KCNG2: variants seen among roughly 807,000 people sequenced by gnomAD.
KCNG2 encodes the protein potassium voltage-gated channel modifier subfamily G member 2.
KCNG2 carries 7 observed loss-of-function variants against 12.3 expected under a neutral mutation model. The ratio of observed to expected loss-of-function variants is 0.57; its 90% CI spans 0.32 to 1.07. KCNG2 has a LOEUF of 1.07. KCNG2 is among the 50% of genes least tolerant of loss of function. The probability of loss-of-function intolerance (pLI) is 0.04; values close to 1 mark genes in which losing one functional copy is unlikely to be tolerated. For missense variants in KCNG2, 703 were observed against 726.0 expected (o/e 0.97, Z 0.36); for synonymous variants, 414 against 351.4 (o/e 1.18, Z -1.99).
intron 1 of KCNG2, among the ~76,000 whole-genome samples, chr18:79,849,761 C>T (rs1237133119): frequency 6.6e-6 from 1 of 152,238 alleles, no homozygotes; most frequent in Non-Finnish European, 1.5e-5. Context: ...TGCCGGCCGC[C>T]CTGGGTGGCG....
At chr18:79,829,919 C>T (rs1181821288) in intron 1 of KCNG2, among the ~76,000 whole-genome samples, 2 of 152,160 alleles carry the variant, frequency 1.3e-5, no homozygotes, top group African/African-American at 2.4e-5. Context: ...ACCAATTCTG[C>T]GAAGCTATTA....
At chr18:79,870,198 C>T (rs1013265742) in intron 3 of KCNG2, among the ~76,000 whole-genome samples, 1 of 152,240 alleles carries the variant, frequency 6.6e-6, no homozygotes, top group Non-Finnish European at 1.5e-5. Context: ...CCCCCCACGT[C>T]GAAGGCGCCC....
At chr18:79,865,291 T>TGTGCTGAGGTCTGG (rs1181147582) in intron 3 of KCNG2, among the ~76,000 whole-genome samples, 1 of 106,594 alleles carries the variant, frequency 9.4e-6, no homozygotes, top group Non-Finnish European at 1.9e-5. Context: ...GAGAGGTCTG[T>TGTGCTGAGGTCTGG]GTGCTGAGGT....
rs541316487 is a variant in KCNG2, at chr18:79,899,241, G to A, written c.826G>A (p.Gly276Arg). The change falls in exon 4 of 4, where the codon GGG becomes AGG. Residue 276 changes from glycine to arginine, a missense_variant. Physicochemically the swap from Gly to Arg is moderately radical, Grantham distance 125. Coordinates refer to ENST00000316249, the MANE Select transcript of KCNG2 (RefSeq NM_012283.2). ...LLLGLAAGPG[G>R]TKLLERAGLV... ...GCTGGGGCTGGCGGCAGGCCCGGGCGGGACCAAGCTCCTGGAGCGCGCGGG... is the reference window on the plus strand; with the variant it reads ...GCTGGGGCTGGCGGCAGGCCCGGGCAGGACCAAGCTCCTGGAGCGCGCGGG... 5.9e-5 allele frequency: 94 copies of A among 1,597,240 alleles called. No individual in the cohort carries two copies. The East Asian group carries it at 7.8e-4, about 13-fold the overall frequency.
chr18:79,884,581 G>A lies in KCNG2; in HGVS notation c.625-14459G>A, dbSNP rs1421113022. On this transcript the variant is annotated intron_variant, in intron 3 of 3. Coordinates refer to ENST00000316249, the MANE Select transcript of KCNG2 (RefSeq NM_012283.2). This position sits in a 1 kb window ranked among gnomAD's most constrained non-coding sequence, Gnocchi z 5.5. ...GGGCCTGGGCGTGGCAGCTCCCCAG[G>A]CCCACGGGGCAGGAATTCTAGATTC... Among the ~76,000 whole-genome samples the A allele has an allele frequency of 6.6e-6, 1 of 152,176 alleles. No individual in the cohort carries two copies. The highest frequency in any genetic ancestry group is 1.5e-5 in the Non-Finnish European group (1 of 68,008).
At chr18:79,843,846 A>G (rs1175976568) in intron 1 of KCNG2, among the ~76,000 whole-genome samples, 1 of 152,238 alleles carries the variant, frequency 6.6e-6, no homozygotes, top group Non-Finnish European at 1.5e-5. Flanking sequence ...GTTGAGAACA[A>G]TTAACAAAAT....
At chr18:79,886,966 G>C (rs1177095903) in intron 3 of KCNG2, among the ~76,000 whole-genome samples, 12 of 16,792 alleles carry the variant, frequency 7.1e-4, no homozygotes, top group African/African-American at 9.9e-4. Flanking sequence ...GGGGACACAA[G>C]ACAGGGAGAT....
At chr18:79,888,968 C>T (rs1365777125) in intron 3 of KCNG2, among the ~76,000 whole-genome samples, 1 of 152,162 alleles carries the variant, frequency 6.6e-6, no homozygotes, top group Non-Finnish European at 1.5e-5. Flanking sequence ...CATGAGCCAC[C>T]ACGCTGGCCC....
chr18:79,848,698 G>A (rs1172258588), intron 1 of KCNG2, among the ~76,000 whole-genome samples: 1 of 152,196 alleles, frequency 6.6e-6, no homozygotes, highest in Non-Finnish European at 1.5e-5. Context: ...TGGGGACGGT[G>A]GCCCACGGGC....
chr18:79,810,595 C>G (rs1447727070), intron 1 of KCNG2, among the ~76,000 whole-genome samples: 1 of 151,394 alleles, frequency 6.6e-6, no homozygotes, highest in East Asian at 1.9e-4. Flanking sequence ...TAGCAAGACC[C>G]TGTCTCTAAA....
chr18:79,883,693 G>A (rs1040082236), intron 3 of KCNG2, among the ~76,000 whole-genome samples: 2 of 152,328 alleles, frequency 1.3e-5, no homozygotes, highest in South Asian at 4.1e-4. Flanking sequence ...CAAAGGTGAA[G>A]ACATGTCTGT....
chr18:79,848,273 C>G (rs1399427460), intron 1 of KCNG2, among the ~76,000 whole-genome samples: 1 of 152,224 alleles, frequency 6.6e-6, no homozygotes, highest in Non-Finnish European at 1.5e-5. Flanking sequence ...CCCTAACCCG[C>G]TGCATTCGTT....
chr18:79,841,153 C>T (rs1396028024), intron 1 of KCNG2, among the ~76,000 whole-genome samples: 1 of 152,052 alleles, frequency 6.6e-6, no homozygotes, highest in Non-Finnish European at 1.5e-5. Context: ...CACCTGTAGT[C>T]CCAGCTACTC....
intron 3 of KCNG2, among the ~76,000 whole-genome samples, chr18:79,867,836 G>A (rs896019429): frequency 1.3e-5 from 2 of 152,098 alleles, no homozygotes; most frequent in Non-Finnish European, 1.5e-5. Flanking sequence ...TCCACCCCTC[G>A]GGGCAGAGCA....
intron 1 of KCNG2, among the ~76,000 whole-genome samples, chr18:79,805,181 C>T (rs2087439760): frequency 6.6e-6 from 1 of 152,164 alleles, no homozygotes; most frequent in South Asian, 2.1e-4. Context: ...AAGTTAGAAA[C>T]ACTAAGGTCT....
intron 1 of KCNG2, among the ~76,000 whole-genome samples, chr18:79,812,272 T>C (rs2087498553): frequency 6.6e-6 from 1 of 152,104 alleles, no homozygotes; most frequent in Non-Finnish European, 1.5e-5. Context: ...TGAGATACGG[T>C]CGGAACAGTT....
chr18:79,870,580 C>T (rs1979791047), intron 3 of KCNG2, among the ~76,000 whole-genome samples: 1 of 152,260 alleles, frequency 6.6e-6, no homozygotes, highest in Non-Finnish European at 1.5e-5. Context: ...CATCTGCTCA[C>T]TGGAGACCTG....
chr18:79,885,250 A>C (rs946736134), intron 3 of KCNG2, among the ~76,000 whole-genome samples: 1 of 152,052 alleles, frequency 6.6e-6, no homozygotes, highest in African/African-American at 2.4e-5. Context: ...AAAGCCAAAC[A>C]ATCTAGAGGG....
chr18:79,819,875 C>T (rs2087558386), intron 1 of KCNG2, among the ~76,000 whole-genome samples: 1 of 152,224 alleles, frequency 6.6e-6, no homozygotes, highest in African/African-American at 2.4e-5. Flanking sequence ...CACCTCCAAC[C>T]CCTGGTAAGG....
Sources: gnomAD v4.1 joint callset for allele counts (sites outside exome capture counted in the v4.1 genomes callset) on GRCh38, gnomAD v4.1.1 for gene constraint, Gnocchi (gnomAD v3.1) non-coding constraint, MANE v1.5 for transcripts, NCBI Gene and HGNC (gene_info 2026-07-23, HGNC 2026-07-21) for gene names.